The following NKAIN2 variants were observed in gnomAD, a reference collection of about 807,000 sequenced individuals.
The protein encoded by NKAIN2 is sodium/potassium-transporting ATPase subunit beta-1-interacting protein 2.
NKAIN2 carries 14 observed loss-of-function variants against 32.6 expected under a neutral mutation model. That is an observed-to-expected ratio of 0.43 (90% CI 0.28 to 0.67). The LOEUF (loss-of-function observed/expected upper bound fraction) is 0.67. Ranked by LOEUF, NKAIN2 falls within the 30% of genes least tolerant of loss-of-function variation. The pLI, the probability that NKAIN2 is intolerant of heterozygous loss-of-function variation, is 0.17. For missense variants in NKAIN2, 198 were observed against 258.3 expected (o/e 0.77, Z 1.60); for synonymous variants, 80 against 87.2 (o/e 0.92, Z 0.46).
chr6:124,797,686 C>T (rs1780062873), intron 5 of NKAIN2, among the ~76,000 whole-genome samples: 1 of 152,124 alleles, frequency 6.6e-6, no homozygotes, highest in Non-Finnish European at 1.5e-5. Flanking sequence ...AGCCTGCTGG[C>T]CTACACTTCT....
At chr6:123,931,452 T>C (rs1472483030) in intron 1 of NKAIN2, among the ~76,000 whole-genome samples, 2 of 152,128 alleles carry the variant, frequency 1.3e-5, no homozygotes, top group African/African-American at 4.8e-5. Flanking sequence ...TATTATGATA[T>C]TTGCTGGATT....
intron 3 of NKAIN2, among the ~76,000 whole-genome samples, chr6:124,579,175 T>G (rs764263852): frequency 9.0e-4 from 137 of 152,166 alleles, no homozygotes; most frequent in Non-Finnish European, 1.0e-3. Flanking sequence ...AGTAAATACC[T>G]AACTCTTCAA....
At chr6:124,652,196 CCACT>C (rs2114401091) in intron 3 of NKAIN2, among the ~76,000 whole-genome samples, 1 of 152,310 alleles carries the variant, frequency 6.6e-6, no homozygotes, top group East Asian at 1.9e-4. Flanking sequence ...AAGTTCTCTG[CCACT>C]TTATATCAAG....
chr6:123,805,232 G>T (rs964160735), intron 1 of NKAIN2, among the ~76,000 whole-genome samples: 1 of 152,190 alleles, frequency 6.6e-6, no homozygotes, highest in Admixed American at 6.5e-5. Context: ...GAATAGTCAT[G>T]TCCGTTTTCA....
At chr6:124,020,310 T>C (rs1780807318) in intron 1 of NKAIN2, among the ~76,000 whole-genome samples, 1 of 152,182 alleles carries the variant, frequency 6.6e-6, no homozygotes, top group African/African-American at 2.4e-5. Flanking sequence ...AGTATCCCTT[T>C]CATATTTATA....
At chr6:124,771,913 G>A (rs1778777887) in intron 4 of NKAIN2, among the ~76,000 whole-genome samples, 1 of 152,148 alleles carries the variant, frequency 6.6e-6, no homozygotes, top group Non-Finnish European at 1.5e-5. Context: ...TGTTAGAGGA[G>A]TTGCTAGAGA....
chr6:123,907,272 A>G (rs73773011), intron 1 of NKAIN2, among the ~76,000 whole-genome samples: 1,645 of 152,252 alleles, frequency 0.011, 25 homozygotes, highest in African/African-American at 0.037. Flanking sequence ...GTTTTCCTAT[A>G]TATTTTTTCA....
At chr6:124,125,390 T>C (rs188289753) in intron 1 of NKAIN2, among the ~76,000 whole-genome samples, 1 of 152,284 alleles carries the variant, frequency 6.6e-6, no homozygotes, top group Non-Finnish European at 1.5e-5. Context: ...CTCAAATTAC[T>C]CTTTAATATG....
chr6:124,129,042 C>T (rs1786324742), intron 1 of NKAIN2, among the ~76,000 whole-genome samples: 1 of 152,184 alleles, frequency 6.6e-6, no homozygotes, highest in African/African-American at 2.4e-5. Context: ...TACTGCTTGC[C>T]TGTCTGGAGC....
chr6:124,413,196 G>A (rs544225286), intron 3 of NKAIN2, among the ~76,000 whole-genome samples: 8 of 152,192 alleles, frequency 5.3e-5, no homozygotes, highest in Non-Finnish European at 1.0e-4. Context: ...GCCACTGTCC[G>A]GCACTCCCCA....
intron 1 of NKAIN2, among the ~76,000 whole-genome samples, chr6:124,229,366 G>T (rs1182049608): frequency 6.6e-6 from 1 of 152,164 alleles, no homozygotes; most frequent in South Asian, 2.1e-4. Flanking sequence ...AGGGCAATCT[G>T]TAGTCACTAA....
intron 2 of NKAIN2, among the ~76,000 whole-genome samples, chr6:124,303,509 C>T (rs1445696832): frequency 1.3e-5 from 2 of 152,138 alleles, no homozygotes; most frequent in Non-Finnish European, 2.9e-5. Flanking sequence ...TGTCAAAGGC[C>T]GTAATTTGTG....
intron 3 of NKAIN2, among the ~76,000 whole-genome samples, chr6:124,608,631 G>A (rs1426573132): frequency 6.6e-6 from 1 of 152,148 alleles, no homozygotes; most frequent in African/African-American, 2.4e-5. Flanking sequence ...CAAGTTTTAA[G>A]AAGCTAGAAA....
chr6:124,073,493 T>A (rs1028787299), intron 1 of NKAIN2, among the ~76,000 whole-genome samples: 2 of 152,134 alleles, frequency 1.3e-5, no homozygotes, highest in African/African-American at 4.8e-5. Context: ...TATGACTGTT[T>A]CTTGGAGTGA....
At chr6:124,816,307 A>T (rs1421970497) in intron 5 of NKAIN2, among the ~76,000 whole-genome samples, 1 of 152,196 alleles carries the variant, frequency 6.6e-6, no homozygotes, top group Non-Finnish European at 1.5e-5. Context: ...GGAGGAGCAC[A>T]GGGGAATTTT....
chr6:124,581,356 G>A (rs190844827), intron 3 of NKAIN2, among the ~76,000 whole-genome samples: 4,859 of 150,412 alleles, frequency 0.032, 120 homozygotes, highest in Non-Finnish European at 0.044. Context: ...GGAGAATGGC[G>A]TGAACCCGGG....
At chr6:123,961,902 A>C (rs1250150345) in intron 1 of NKAIN2, among the ~76,000 whole-genome samples, 1 of 152,180 alleles carries the variant, frequency 6.6e-6, no homozygotes, top group Non-Finnish European at 1.5e-5. Context: ...AATTTATAGC[A>C]TAGTGGGAAC....
chr6:123,833,145 G>A (rs1313047584), intron 1 of NKAIN2, among the ~76,000 whole-genome samples: 1 of 152,126 alleles, frequency 6.6e-6, no homozygotes, highest in Admixed American at 6.6e-5. Context: ...TTTGTGTCTA[G>A]AGTCACTTTT....
chr6:124,301,269 A>G (rs578193561), intron 2 of NKAIN2, among the ~76,000 whole-genome samples: 78 of 152,322 alleles, frequency 5.1e-4, no homozygotes, highest in African/African-American at 1.9e-3. Flanking sequence ...ACGGGTGCAC[A>G]GAAGTAAAGA....
Sources: gnomAD v4.1 joint callset for allele counts (sites outside exome capture counted in the v4.1 genomes callset) on GRCh38, gnomAD v4.1.1 for gene constraint, MANE v1.5 for transcripts, NCBI Gene and HGNC (gene_info 2026-07-23, HGNC 2026-07-21) for gene names.